SPTB: variants seen among roughly 807,000 people sequenced by gnomAD.
SPTB encodes the protein spectrin beta, erythrocytic.
SPTB carries 45 observed loss-of-function variants against 256.2 expected under a neutral mutation model. The ratio of observed to expected loss-of-function variants is 0.18; its 90% CI spans 0.14 to 0.23. The LOEUF is 0.23. Ranked by LOEUF, SPTB falls within the 10% of genes least tolerant of loss-of-function variation. The probability of loss-of-function intolerance (pLI) is 1.00; values close to 1 mark genes in which losing one functional copy is unlikely to be tolerated. For synonymous variants in SPTB, 1,231 were observed against 1,243.1 expected (o/e 0.99, Z 0.21); for missense variants, 2,715 against 3,040.4 (o/e 0.89, Z 2.52).
chr14:64,804,867 T>A lies in SPTB; in HGVS notation c.300+72A>T, dbSNP rs1248708824. The A allele has an allele frequency of 2.5e-6, 4 of 1,597,236 alleles. No individual in the cohort carries two copies. In the African/African-American group the frequency reaches 5.4e-5, roughly 21 times the overall value. On this transcript the variant is annotated intron_variant, in intron 3 of 35. Coordinates refer to ENST00000644917, the MANE Select transcript of SPTB (RefSeq NM_001355436.2). ...CTGGGAAGGCCAGGAGAACTTGAGA[T>A]GCCCCCAAACCATGCCTTTGCTGAA...
rs376194822 is a variant in SPTB, at chr14:64,852,689, C to T, written c.-52+27103G>A. ...AAGGGAAGAGCCAAGAATGATTTCT[C>T]AAGTGGATGATGGTCCTATCAACCA... On this transcript the variant is annotated intron_variant, in intron 1 of 35. Coordinates refer to ENST00000644917, the MANE Select transcript of SPTB (RefSeq NM_001355436.2). This position sits in a 1 kb window ranked among gnomAD's most constrained non-coding sequence, Gnocchi z 4.2. Among the ~76,000 whole-genome samples the T allele has an allele frequency of 2.0e-5, 3 of 152,118 alleles. No homozygotes were observed. Among genetic ancestry groups the T allele is most frequent in the Non-Finnish European group, 4.4e-5 (3 of 68,026 alleles).
Position 64,866,614 on chromosome 14 carries a change from G to A in SPTB, c.-52+13178C>T, listed in dbSNP as rs754572672. 3.3e-5 allele frequency among the ~76,000 whole-genome samples: 5 copies of A among 152,146 alleles called. No individual in the cohort carries two copies. The highest frequency in any genetic ancestry group is 5.9e-5 in the Non-Finnish European group (4 of 68,046). On this transcript the variant is annotated intron_variant, in intron 1 of 35. Coordinates refer to ENST00000644917, the MANE Select transcript of SPTB (RefSeq NM_001355436.2). The surrounding 1 kb of genome is among the most constrained non-coding windows in gnomAD (Gnocchi z 4.6). ...AGAGCGGCTGGATTGCAGTGGGAGT[G>A]CATCCATGACAGAGAGTTTTGTTGA...
intron 1 of SPTB, among the ~76,000 whole-genome samples, chr14:64,851,291 T>C (rs1402340519): frequency 6.6e-6 from 1 of 152,252 alleles, no homozygotes; most frequent in African/African-American, 2.4e-5. Flanking sequence ...CTGTGTAATC[T>C]TGGACAAAAT....
chr14:64,801,244 C>T (rs1203819201), intron 7 of SPTB, 41 bp downstream of exon 7: 10 of 1,531,860 alleles, frequency 6.5e-6, no homozygotes, highest in African/African-American at 5.5e-5. Flanking sequence ...GTGCATCCCC[C>T]ACTGCTGCAG....
intron 1 of SPTB, among the ~76,000 whole-genome samples, chr14:64,855,639 C>T (rs1250368736): frequency 6.6e-6 from 1 of 152,086 alleles, no homozygotes; most frequent in Non-Finnish European, 1.5e-5. Flanking sequence ...TGTGGATCTT[C>T]TTTTTAAGTG....
chr14:64,785,667 GC>G lies in SPTB; in HGVS notation c.3765-41del. The G allele has an allele frequency of 6.2e-7, 1 of 1,613,360 alleles. No individual in the cohort carries two copies. The highest frequency in any genetic ancestry group is 8.5e-7 in the Non-Finnish European group (1 of 1,179,356). On this transcript the variant is annotated intron_variant, in intron 17 of 35. Transcript: ENST00000644917. The surrounding 1 kb of genome is among the most constrained non-coding windows in gnomAD (Gnocchi z 4.4). The stretch of plus-strand genomic sequence containing the variant: ...AAAAGCACAGTCACAATAGTGCCGA[GC>G]TTGGGGTCCTCACCAAGCTTGGGGT...
At position 64,779,991 on chromosome 14, in the gene SPTB, T is replaced by G. The variant is rs1566752593; in HGVS notation, c.4267-60A>C. Reference sequence around the variant, plus strand: ...TGGCACCTGCACAGCCCCTCCATCTTCTTCATTCATCTGCATCCCACCCAT... The same window carrying G: ...TGGCACCTGCACAGCCCCTCCATCTGCTTCATTCATCTGCATCCCACCCAT... On this transcript the variant is annotated intron_variant, in intron 20 of 35. Coordinates refer to ENST00000644917, the MANE Select transcript of SPTB (RefSeq NM_001355436.2). The surrounding 1 kb of genome is among the most constrained non-coding windows in gnomAD (Gnocchi z 4.2). 7.1e-7 allele frequency: 1 copy of G among 1,417,338 alleles called. No homozygotes were observed. Among genetic ancestry groups the G allele is most frequent in the Non-Finnish European group, 1.0e-6 (1 of 1,001,970 alleles). The allele number at this position is 1,417,338 out of a possible 1,614,324, so 87.8% of individuals were successfully genotyped here.
chr14:64,859,116 TG>T (rs371967180), intron 1 of SPTB, among the ~76,000 whole-genome samples: 1,570 of 150,600 alleles, frequency 0.01, 24 homozygotes, highest in African/African-American at 0.038. Context: ...TAGCCAGACG[TG>T]GTGGCACGTG....
chr14:64,787,992 C>A lies in SPTB; in HGVS notation c.2805-832G>T, dbSNP rs371255475. On this transcript the variant is annotated intron_variant, in intron 15 of 35. Coordinates refer to ENST00000644917, the MANE Select transcript of SPTB (RefSeq NM_001355436.2). ...TCTCGAACACCCACAGGGGTATAAG[C>A]CATTTTATTGGCCTTTGGGAGAATA... is the stretch of plus-strand genomic sequence containing the variant. Among the ~76,000 whole-genome samples the A allele has an allele frequency of 2.0e-5, 3 of 152,354 alleles. No individual in the cohort carries two copies. In the South Asian group the frequency reaches 6.2e-4, roughly 32 times the overall value.
rs1260152650 is a variant in SPTB, at chr14:64,853,030, G to A, written c.-52+26762C>T. Among the ~76,000 whole-genome samples, 2 of 152,170 alleles carry A rather than the reference G, an allele frequency of 1.3e-5. No individual in the cohort carries two copies. Among genetic ancestry groups the A allele is most frequent in the Non-Finnish European group, 2.9e-5 (2 of 68,032 alleles). ...GGGGGATGTGGGGAGGCTTCCCTGAGGAAGTAGCCTTTAAATGGATACCTA... is the reference window on the plus strand; with the variant it reads ...GGGGGATGTGGGGAGGCTTCCCTGAAGAAGTAGCCTTTAAATGGATACCTA... On this transcript the variant is annotated intron_variant, in intron 1 of 35. Transcript: ENST00000644917. This position sits in a 1 kb window ranked among gnomAD's most constrained non-coding sequence, Gnocchi z 4.3.
chr14:64,859,484 C>A (rs889251094), intron 1 of SPTB, among the ~76,000 whole-genome samples: 1 of 152,282 alleles, frequency 6.6e-6, no homozygotes, highest in African/African-American at 2.4e-5. Flanking sequence ...GTGGCTCATG[C>A]CTGTAATCCC....
At chr14:64,831,461 C>T (rs1324189751) in intron 1 of SPTB, among the ~76,000 whole-genome samples, 1 of 152,214 alleles carries the variant, frequency 6.6e-6, no homozygotes, top group African/African-American at 2.4e-5. Flanking sequence ...AAGAGATACT[C>T]AAGCCCATGA....
At chr14:64,782,638 C>A in intron 19 of SPTB, 85 bp from the exon 20 acceptor site, 3 of 1,590,800 alleles carry the variant, frequency 1.9e-6, no homozygotes, top group Non-Finnish European at 2.6e-6. Context: ...AAGAGGCTAC[C>A]CAAGAGGAGG....
At chr14:64,837,236 G>C (rs541574004) in intron 1 of SPTB, among the ~76,000 whole-genome samples, 1 of 152,284 alleles carries the variant, frequency 6.6e-6, no homozygotes, top group African/African-American at 2.4e-5. Context: ...TCATAACCAA[G>C]AGATTTGATA....
intron 1 of SPTB, among the ~76,000 whole-genome samples, chr14:64,850,435 T>A (rs774253731): frequency 2.0e-5 from 3 of 152,176 alleles, no homozygotes; most frequent in Non-Finnish European, 4.4e-5. Flanking sequence ...AAAGCCCACG[T>A]TTTCTGATAG....
rs1882250841 is a variant in SPTB, at chr14:64,867,426, G to A, written c.-52+12366C>T. ...GGTGAGTCAGGTCTGTCCATGACCA[G>A]CCAGGCTACAGCGTGGACAGCAAAA... On this transcript the variant is annotated intron_variant, in intron 1 of 35. Transcript: ENST00000644917. Among the ~76,000 whole-genome samples the A allele has an allele frequency of 2.0e-5, 3 of 152,322 alleles. No homozygotes were observed. The South Asian group carries it at 6.2e-4, about 32-fold the overall frequency.
chr14:64,775,161 C>T lies in SPTB; in HGVS notation c.4806G>A (p.Glu1602=). The change falls in exon 23 of 36, where the codon GAG becomes GAA. Residue 1602 remains glutamate, a synonymous_variant. Transcript: ENST00000644917. This position sits in a 1 kb window ranked among gnomAD's most constrained non-coding sequence, Gnocchi z 5.0. ...CATCGGAGATGACGTAGAGCTCCTG[C>T]TCGCCAATCCAGGCCTCAGCCTCGT... ...DADEAEAWIG[E]QELYVISDEI... 3 of 1,613,974 alleles carry T rather than the reference C, an allele frequency of 1.9e-6. No individual in the cohort carries two copies. Among genetic ancestry groups the T allele is most frequent in the Non-Finnish European group, 2.5e-6 (3 of 1,180,042 alleles).
intron 32 of SPTB, chr14:64,757,519 G>A (rs980641103): frequency 6.6e-6 from 1 of 152,244 alleles, no homozygotes; most frequent in Non-Finnish European, 1.5e-5. Flanking sequence ...TTTCTTTGGC[G>A]TTCCTGACTG....
In SPTB at chr14:64,805,062, G is replaced by A. The variant is rs2277503; in HGVS notation, c.177C>T (p.Thr59=). 0.048 allele frequency: 77,964 copies of A among 1,614,128 alleles called. 2,448 individuals carry two copies. Among genetic ancestry groups the A allele is most frequent in the East Asian group, 0.16 (7,150 of 44,872 alleles). The part of the protein sequence containing the change: ...ADEREVVQKK[T]FTKWVNSHLA... ...GGTGCGAGTTCACCCATTTCGTGAA[G>A]GTCTTTTTCTGAACAACTTCCCGCT... The change falls in exon 3 of 36, where the codon ACC becomes ACT. Residue 59 remains threonine (T), a synonymous_variant. Coordinates refer to ENST00000644917, the MANE Select transcript of SPTB (RefSeq NM_001355436.2).
Sources: allele counts gnomAD v4.1 joint callset (sites outside exome capture counted in the v4.1 genomes callset), GRCh38; gene constraint gnomAD v4.1.1; non-coding constraint Gnocchi (gnomAD v3.1); transcripts MANE v1.5; gene names NCBI Gene and HGNC (gene_info 2026-07-23, HGNC 2026-07-21).